The following HSPA9 variants were observed in gnomAD, a reference collection of about 807,000 sequenced individuals.
HSPA9 encodes the protein stress-70 protein, mitochondrial.
In HSPA9, 28 loss-of-function variants were observed where a neutral mutation model predicts 81.5. The ratio of observed to expected loss-of-function variants is 0.34; its 90% CI spans 0.25 to 0.47. The LOEUF (loss-of-function observed/expected upper bound fraction) is 0.47, where lower values mean the gene tolerates loss of function less well. Among genes scored for constraint, HSPA9 ranks in the 20% least tolerant of loss-of-function variants. The pLI, the probability that HSPA9 is intolerant of heterozygous loss-of-function variation, is 1.00. For synonymous variants in HSPA9, 293 were observed against 290.4 expected (o/e 1.01, Z -0.09); for missense variants, 678 against 838.0 (o/e 0.81, Z 2.36).
At chr5:138,558,891 A>G (rs926246394) in intron 11 of HSPA9, 1 of 472,608 alleles carries the variant, frequency 2.1e-6, no homozygotes, top group African/African-American at 2.0e-5. Flanking sequence ...ACGCAGCATT[A>G]GGACAGAAGT....
chr5:138,561,552 T>C (rs1425499578), intron 10 of HSPA9, 28 bp downstream of exon 10: 2 of 1,588,682 alleles, frequency 1.3e-6, no homozygotes, highest in South Asian at 1.1e-5. Flanking sequence ...GCCCTCTCTC[T>C]CCACGACAGA....
intron 10 of HSPA9, 132 bp from the exon 11 acceptor site, chr5:138,560,223 A>G: frequency 1.4e-6 from 1 of 720,316 alleles, no homozygotes; most frequent in Non-Finnish European, 2.5e-6. Flanking sequence ...ATGTTTATTC[A>G]AATAACCATT....
At chr5:138,556,316 C>A in intron 16 of HSPA9, 136 bp downstream of exon 16, 1 of 1,194,870 alleles carries the variant, frequency 8.4e-7, no homozygotes, top group Non-Finnish European at 1.2e-6. Context: ...AGAGTCAAGA[C>A]GGCAGGAGAC....
intron 3 of HSPA9, among the ~76,000 whole-genome samples, 193 bp downstream of exon 3, chr5:138,573,570 C>A (rs1750998807): frequency 7.4e-6 from 1 of 135,684 alleles, no homozygotes; most frequent in African/African-American, 2.7e-5. Context: ...CTGTTTGAAC[C>A]CAGGAGGCAG....
At chr5:138,574,411 C>T (rs1272694023) in intron 1 of HSPA9, among the ~76,000 whole-genome samples, 2 of 152,108 alleles carry the variant, frequency 1.3e-5, no homozygotes, top group African/African-American at 4.8e-5. Context: ...GCCTCGACAC[C>T]CTAGAAACCA....
rs528532942 is a variant in HSPA9, at chr5:138,571,558, C to A, written c.229-417G>T. Among the ~76,000 whole-genome samples the A allele has an allele frequency of 2.6e-5, 4 of 152,152 alleles. No homozygotes were observed. The South Asian group carries it at 8.3e-4, about 32-fold the overall frequency. ...AAATTGCGAAACAAATGCACATCAA[C>A]AATACTACCGGGCATGCTTTACTGC... is the stretch of plus-strand genomic sequence containing the variant. On this transcript the variant is annotated intron_variant, in intron 3 of 16. Transcript: ENST00000297185.
chr5:138,561,533 T>C, intron 10 of HSPA9, 47 bp downstream of exon 10: 2 of 1,503,914 alleles, frequency 1.3e-6, no homozygotes, highest in Non-Finnish European at 1.8e-6. Flanking sequence ...AAGAATACAC[T>C]ATGCGCCAGC....
chr5:138,567,559 G>A lies in HSPA9; in HGVS notation c.612C>T (p.Ala204=), dbSNP rs996644564. ...CAGATATCTGGCCAGCATCTTTAGTGGCCTAGAGAAAACAAAGAGAAAAAC... is the reference window on the plus strand; with the variant it reads ...CAGATATCTGGCCAGCATCTTTAGTAGCCTAGAGAAAACAAAGAGAAAAAC... ...PAYFNDSQRQ[A]TKDAGQISGL... The change falls in exon 7 of 17, where the codon GCC becomes GCT. Residue 204 remains alanine, a splice_region_variant and synonymous_variant. Coordinates refer to ENST00000297185, the MANE Select transcript of HSPA9 (RefSeq NM_004134.7). 8.1e-6 allele frequency: 13 copies of A among 1,613,236 alleles called. No homozygotes were observed. Among genetic ancestry groups the A allele is most frequent in the African/African-American group, 5.3e-5 (4 of 74,910 alleles).
chr5:138,557,167 T>C (rs1042491360), intron 14 of HSPA9: 8 of 612,032 alleles, frequency 1.3e-5, no homozygotes, highest in African/African-American at 9.3e-5. Context: ...CCACAACCTA[T>C]GACATGTCCA....
At chr5:138,571,339 C>A (rs1750881684) in intron 3 of HSPA9, among the ~76,000 whole-genome samples, 198 bp from the exon 4 acceptor site, 1 of 152,116 alleles carries the variant, frequency 6.6e-6, no homozygotes, top group Non-Finnish European at 1.5e-5. Context: ...CACCACCACA[C>A]CAAGCTAATT....
rs543042916 is a variant in HSPA9, at chr5:138,561,720, G to A, written c.1042C>T (p.Arg348Cys). ...GPKHLNMKLT[R>C]AQFEGIVTDL... ...GTGACAATCCCTTCAAATTGAGCAC[G>A]GGTCAACTTCATATTCAAATGCTTG... Residue 348 changes from arginine (R) to cysteine (C), a missense_variant, in exon 10 of 17, where the codon CGT becomes TGT. Around this residue, in one of 4 missense-constraint regions of HSPA9, gnomAD observed 484 missense variants for 647.5 expected, o/e 0.75. Coordinates refer to ENST00000297185, the MANE Select transcript of HSPA9 (RefSeq NM_004134.7). 9.9e-6 allele frequency: 16 copies of A among 1,614,054 alleles called. No homozygotes were observed. The highest frequency in any genetic ancestry group is 2.7e-5 in the African/African-American group (2 of 75,026).
At chr5:138,558,822 G>C (rs1046172969) in intron 11 of HSPA9, 165 bp from the exon 12 acceptor site, 1 of 619,896 alleles carries the variant, frequency 1.6e-6, no homozygotes, top group African/African-American at 1.8e-5. Flanking sequence ...AGTAGGATTA[G>C]TACAGCAAAT....
At chr5:138,569,233 GAAATA>G (rs1750827399) in intron 4 of HSPA9, among the ~76,000 whole-genome samples, 184 bp from the exon 5 acceptor site, 1 of 152,084 alleles carries the variant, frequency 6.6e-6, no homozygotes, top group Non-Finnish European at 1.5e-5. Flanking sequence ...AAGGCAAAAT[GAAATA>G]AATAAATAAA....
At chr5:138,558,250 TCTC>T (rs1006051311) in intron 12 of HSPA9, among the ~76,000 whole-genome samples, 2 of 152,140 alleles carry the variant, frequency 1.3e-5, no homozygotes, top group Non-Finnish European at 2.9e-5. Flanking sequence ...AGATAGCAAA[TCTC>T]CTATTATTCA....
intron 10 of HSPA9, chr5:138,560,667 TCTC>T (rs1230139469): frequency 1.4e-5 from 3 of 218,034 alleles, no homozygotes; most frequent in African/African-American, 4.7e-5. Flanking sequence ...TTCACGCCAT[TCTC>T]CTACCTCAGC....
intron 1 of HSPA9, 181 bp downstream of exon 1, chr5:138,575,057 G>C (rs1751057260): frequency 4.9e-6 from 3 of 614,774 alleles, no homozygotes; most frequent in East Asian, 5.5e-5. Flanking sequence ...CCAAGCCGGA[G>C]GCAAAACCTT....
Position 138,567,692 on chromosome 5 carries a change from G to A in HSPA9, c.566C>T (p.Ala189Val), listed in dbSNP as rs765759294. 3.1e-6 allele frequency: 5 copies of A among 1,613,634 alleles called. No individual in the cohort carries two copies. The African/African-American group carries it at 5.3e-5, about 17-fold the overall frequency. ...GAAATAAGCTGGGACTGTGATCACA[G>A]CATTTTTTGCTGTGTGCCCCAAGTA... ...ENYLGHTAKN[A>V]VITVPAYFND... The change falls in exon 6 of 17, where the codon GCT becomes GTT. Residue 189 changes from alanine to valine, a missense_variant. Coordinates refer to ENST00000297185, the MANE Select transcript of HSPA9 (RefSeq NM_004134.7).
intron 10 of HSPA9, chr5:138,560,814 C>CT (rs775931404): frequency 5.5e-5 from 22 of 402,812 alleles, no homozygotes; most frequent in South Asian, 4.0e-4. Context: ...TCCCAAAGTG[C>CT]TGGGATTACA....
At chr5:138,572,516 T>G (rs1026114632) in intron 3 of HSPA9, among the ~76,000 whole-genome samples, 1 of 152,206 alleles carries the variant, frequency 6.6e-6, no homozygotes, top group African/African-American at 2.4e-5. Flanking sequence ...TGTTGTTCAT[T>G]GGAGCAGGCT....
Sources: allele counts gnomAD v4.1 joint callset (sites outside exome capture counted in the v4.1 genomes callset), GRCh38; gene constraint gnomAD v4.1.1; regional missense constraint gnomAD v4.1.1; transcripts MANE v1.5; gene names NCBI Gene and HGNC (gene_info 2026-07-23, HGNC 2026-07-21).